The following P2RY14 variants were observed in gnomAD, a reference collection of about 807,000 sequenced individuals.
The protein encoded by P2RY14 is P2Y purinoceptor 14.
A neutral mutation model predicts 0.9 loss-of-function variants in P2RY14; 2 were observed. The observed-to-expected ratio is 2.16, with a 90% CI of 0.88 to 6.79. The LOEUF is 6.79. Among genes scored for constraint, P2RY14 ranks in the 30% most tolerant of loss-of-function variants. The pLI is 0.05. For missense variants in P2RY14, 378 were observed against 400.1 expected (o/e 0.94, Z 0.47); for synonymous variants, 158 against 147.2 (o/e 1.07, Z -0.53).
intron 1 of P2RY14, among the ~76,000 whole-genome samples, chr3:151,236,174 A>C (rs549348947): frequency 1.3e-5 from 2 of 152,326 alleles, no homozygotes; most frequent in South Asian, 4.1e-4. Context: ...TTAGAAGCTC[A>C]ATGAATATTT....
chr3:151,226,982 G>A (rs1730628688), intron 1 of P2RY14, among the ~76,000 whole-genome samples: 2 of 152,146 alleles, frequency 1.3e-5, no homozygotes, highest in African/African-American at 4.8e-5. Flanking sequence ...AGATCCCCTG[G>A]GGCCCCTGGC....
Position 151,213,458 on chromosome 3 carries a change from T to A in P2RY14, c.859A>T (p.Asn287Tyr). The A allele has an allele frequency of 6.2e-7, 1 of 1,614,216 alleles. No individual in the cohort carries two copies. Reference sequence around the variant, plus strand: ...TAAATAATAGGGTCCAAGCATACATTTGCAGCAGATAGTAGCAGAGTGAAT... The same window carrying A: ...TAAATAATAGGGTCCAAGCATACATATGCAGCAGATAGTAGCAGAGTGAAT... Reference protein sequence around the residue: ...KEFTLLLSAANVCLDPIIYFF... With the variant: ...KEFTLLLSAAYVCLDPIIYFF... Residue 287 changes from asparagine to tyrosine, a missense_variant, in exon 3 of 3, where the codon AAT (asparagine) becomes TAT (tyrosine). Transcript: ENST00000309170.
At chr3:151,261,040 A>T (rs1559952468) in intron 1 of P2RY14, among the ~76,000 whole-genome samples, 1 of 152,116 alleles carries the variant, frequency 6.6e-6, no homozygotes. Flanking sequence ...TGTGTGTTTA[A>T]CAATGGAATG....
intron 1 of P2RY14, among the ~76,000 whole-genome samples, chr3:151,250,182 C>A (rs1736567624): frequency 6.6e-6 from 1 of 152,176 alleles, no homozygotes; most frequent in Non-Finnish European, 1.5e-5. Flanking sequence ...CAGCACTTAT[C>A]TAGAACTGCC....
At chr3:151,254,425 G>C (rs764177332) in intron 1 of P2RY14, among the ~76,000 whole-genome samples, 2 of 152,206 alleles carry the variant, frequency 1.3e-5, no homozygotes, top group Non-Finnish European at 1.5e-5. Flanking sequence ...AAACCTTGCT[G>C]TCTTGGTCTA....
intron 1 of P2RY14, chr3:151,248,873 C>T (rs527248845): frequency 6.6e-6 from 1 of 152,108 alleles, no homozygotes; most frequent in Non-Finnish European, 1.5e-5. Flanking sequence ...ACCAATTTTT[C>T]CAGTCTTTTA....
At chr3:151,239,075 C>T (rs1288301969) in intron 1 of P2RY14, among the ~76,000 whole-genome samples, 2 of 152,096 alleles carry the variant, frequency 1.3e-5, no homozygotes, top group African/African-American at 4.8e-5. Flanking sequence ...CGTAGCTTTC[C>T]GGTATTGACA....
chr3:151,213,573 A>G lies in P2RY14; in HGVS notation c.744T>C (p.Pro248=). 6.2e-7 allele frequency: 1 copy of G among 1,614,210 alleles called. No individual in the cohort carries two copies. The highest frequency in any genetic ancestry group is 8.5e-7 in the Non-Finnish European group (1 of 1,180,028). The change falls in exon 3 of 3, where the codon CCT becomes CCC. Residue 248 remains proline, a synonymous_variant. Transcript: ENST00000309170. ...TGTAGGGGATTCTGGCAATATGGTA[A>G]GGTACAAAACAGACAAAAAACACAA... is the stretch of plus-strand genomic sequence containing the variant. ...IVFVFFVCFV[P]YHIARIPYTK... is the part of the protein sequence containing the mutation.
intron 1 of P2RY14, among the ~76,000 whole-genome samples, chr3:151,250,056 G>A (rs914331030): frequency 2.0e-5 from 3 of 152,092 alleles, no homozygotes; most frequent in African/African-American, 7.2e-5. Flanking sequence ...CTCTTTATTA[G>A]CAATCATCCA....
chr3:151,269,224 A>T (rs1740407306), intron 1 of P2RY14, among the ~76,000 whole-genome samples: 1 of 152,192 alleles, frequency 6.6e-6, no homozygotes, highest in Admixed American at 6.5e-5. Flanking sequence ...AACATGCAGA[A>T]ACCCCATCTC....
rs113001153 is a variant in P2RY14 at position 151,241,101 on chromosome 3, A to G, written c.-132-21459T>C. Among the ~76,000 whole-genome samples, 1,032 of 152,166 alleles carry G rather than the reference A, an allele frequency of 6.8e-3. 7 individuals are homozygous for G. The highest frequency in any genetic ancestry group is 0.014 in the South Asian group (69 of 4,822). ...TTTAGTACTTGTACTTGGAAGTGTT[A>G]GTTAGAAGTCTTAGATCTCACTATC... On this transcript the variant is annotated intron_variant, in intron 1 of 2. Coordinates refer to ENST00000309170, the MANE Select transcript of P2RY14 (RefSeq NM_014879.4).
At chr3:151,257,376 A>G (rs1034335591) in intron 1 of P2RY14, among the ~76,000 whole-genome samples, 2 of 152,250 alleles carry the variant, frequency 1.3e-5, no homozygotes, top group African/African-American at 2.4e-5. Flanking sequence ...GTGAGAAACA[A>G]TATATCTGAA....
intron 1 of P2RY14, among the ~76,000 whole-genome samples, chr3:151,247,959 CTTCTTT>C (rs1182783404): frequency 2.4e-4 from 16 of 65,452 alleles, no homozygotes; most frequent in African/African-American, 6.7e-4. Flanking sequence ...TCTTCTTCTT[CTTCTTT>C]TTTTTTTTTT....
At chr3:151,218,049 C>G (rs1014268458) in intron 2 of P2RY14, among the ~76,000 whole-genome samples, 2 of 152,218 alleles carry the variant, frequency 1.3e-5, no homozygotes, top group African/African-American at 2.4e-5. Context: ...TCAGTCTCCT[C>G]TCCTTATCTT....
intron 1 of P2RY14, among the ~76,000 whole-genome samples, chr3:151,247,091 AT>A (rs1392762729): frequency 6.6e-6 from 1 of 152,242 alleles, no homozygotes; most frequent in Admixed American, 6.5e-5. Context: ...TAGATTGGCA[AT>A]AATTAAAAAG....
At chr3:151,263,449 T>C (rs1046832640) in intron 1 of P2RY14, among the ~76,000 whole-genome samples, 2 of 152,248 alleles carry the variant, frequency 1.3e-5, no homozygotes, top group Non-Finnish European at 2.9e-5. Flanking sequence ...CATAAGTCAC[T>C]GAGCCTTTAA....
Position 151,223,656 on chromosome 3 carries a change from G to C in P2RY14, c.-132-4014C>G, listed in dbSNP as rs1047387080. Among the ~76,000 whole-genome samples the C allele has an allele frequency of 9.8e-5, 15 of 152,308 alleles. No homozygotes were observed. The South Asian group carries it at 3.1e-3, about 32-fold the overall frequency. ...AACATTGGATACACATGGACACAAA[G>C]ATGGGAACAGTAGACACTGGAGACT... On this transcript the variant is annotated intron_variant, in intron 1 of 2. Transcript: ENST00000309170.
At chr3:151,228,701 C>T (rs1480196687) in intron 1 of P2RY14, among the ~76,000 whole-genome samples, 1 of 152,142 alleles carries the variant, frequency 6.6e-6, no homozygotes, top group Non-Finnish European at 1.5e-5. Context: ...TCTAATTTAC[C>T]AGTCCCTACA....
intron 1 of P2RY14, among the ~76,000 whole-genome samples, chr3:151,264,777 ATG>A (rs1553763006): frequency 6.6e-6 from 1 of 151,918 alleles, no homozygotes; most frequent in Non-Finnish European, 1.5e-5. Context: ...GTGTGTGTGT[ATG>A]TGTGTGTGTG....
Sources: allele counts gnomAD v4.1 joint callset (sites outside exome capture counted in the v4.1 genomes callset), GRCh38; gene constraint gnomAD v4.1.1; transcripts MANE v1.5; gene names NCBI Gene and HGNC (gene_info 2026-07-23, HGNC 2026-07-21).